LRRC4C: variants seen among roughly 807,000 people sequenced by gnomAD.
LRRC4C encodes the protein leucine rich repeat containing 4C.
Under a neutral mutation model 33.6 loss-of-function variants are expected in LRRC4C, and 5 were observed. The observed-to-expected ratio is 0.15, with a 90% CI of 0.08 to 0.31. The LOEUF (loss-of-function observed/expected upper bound fraction) is 0.31. Among genes scored for constraint, LRRC4C ranks in the 10% least tolerant of loss-of-function variants. LRRC4C has a pLI of 1.00. For synonymous variants in LRRC4C, 329 were observed against 302.0 expected (o/e 1.09, Z -0.93); for missense variants, 560 against 796.7 (o/e 0.70, Z 3.58).
At chr11:41,294,333 G>C (rs1042784186) in intron 1 of LRRC4C, among the ~76,000 whole-genome samples, 5 of 152,194 alleles carry the variant, frequency 3.3e-5, no homozygotes, top group African/African-American at 1.2e-4. Flanking sequence ...TTCGCACAGA[G>C]TATCAGGTGA....
chr11:40,737,593 C>T (rs1265022467), intron 2 of LRRC4C, among the ~76,000 whole-genome samples: 1 of 151,636 alleles, frequency 6.6e-6, no homozygotes, highest in East Asian at 1.9e-4. Flanking sequence ...AAACAGAGAG[C>T]CAAATCACGA....
intron 3 of LRRC4C, among the ~76,000 whole-genome samples, chr11:40,617,018 C>A (rs1416255663): frequency 6.6e-6 from 1 of 151,692 alleles, no homozygotes; most frequent in South Asian, 2.1e-4. Flanking sequence ...TGACAGATAG[C>A]CACTTCACTC....
chr11:41,075,729 G>A (rs574012428), intron 1 of LRRC4C, among the ~76,000 whole-genome samples: 3 of 152,172 alleles, frequency 2.0e-5, no homozygotes, highest in African/African-American at 7.2e-5. Context: ...TTATCTATGT[G>A]TATTATCTGC....
intron 1 of LRRC4C, among the ~76,000 whole-genome samples, chr11:41,014,910 G>A (rs1000092282): frequency 4.6e-5 from 7 of 152,134 alleles, no homozygotes; most frequent in African/African-American, 1.4e-4. Flanking sequence ...ACTAGCACAA[G>A]GGCAGGGCCA....
intron 3 of LRRC4C, among the ~76,000 whole-genome samples, chr11:40,349,018 A>G (rs917379955): frequency 6.6e-6 from 1 of 152,196 alleles, no homozygotes; most frequent in Non-Finnish European, 1.5e-5. Flanking sequence ...ATGCATAATA[A>G]TCATATCAGG....
chr11:41,045,415 G>T (rs117130838), intron 1 of LRRC4C, among the ~76,000 whole-genome samples: 2,805 of 152,196 alleles, frequency 0.018, 29 homozygotes, highest in Middle Eastern at 0.034. Context: ...TTAGTGGAAA[G>T]ATAATTACTC....
intron 5 of LRRC4C, among the ~76,000 whole-genome samples, chr11:40,189,533 A>C (rs568580487): frequency 6.6e-6 from 1 of 152,220 alleles, no homozygotes; most frequent in African/African-American, 2.4e-5. Context: ...TTCTATAAAA[A>C]GAAGTGAGGT....
At chr11:40,596,994 A>T (rs1256736777) in intron 3 of LRRC4C, among the ~76,000 whole-genome samples, 1 of 152,216 alleles carries the variant, frequency 6.6e-6, no homozygotes, top group Non-Finnish European at 1.5e-5. Flanking sequence ...TTTGAGAAAG[A>T]TAAATGTGAT....
At chr11:40,754,136 A>G (rs1242939739) in intron 2 of LRRC4C, among the ~76,000 whole-genome samples, 1 of 151,898 alleles carries the variant, frequency 6.6e-6, no homozygotes, top group East Asian at 1.9e-4. Flanking sequence ...TCATTTACAT[A>G]TCTCTTTTTA....
chr11:40,539,669 G>A (rs1164977752), intron 3 of LRRC4C, among the ~76,000 whole-genome samples: 2 of 152,000 alleles, frequency 1.3e-5, no homozygotes, highest in African/African-American at 4.8e-5. Context: ...GGTCATTCTA[G>A]GCAGAATGTC....
chr11:40,566,086 GT>G lies in LRRC4C; in HGVS notation c.-270+82055del. The stretch of plus-strand genomic sequence containing the variant: ...TAACTGCCTTTTCTATTTTTACTAA[GT>G]TTTTTTTTTTTTTTTTTTTTTTACT... On this transcript the variant is annotated intron_variant, in intron 3 of 6. Coordinates refer to ENST00000528697, the MANE Select transcript of LRRC4C (RefSeq NM_001258419.2). 6.7e-3 allele frequency among the ~76,000 whole-genome samples: 418 copies of G among 62,784 alleles called. 7 individuals are homozygous for G. The highest frequency in any genetic ancestry group is 0.04 in the Admixed American group (189 of 4,750). 41.2% of individuals were successfully genotyped at this position (62,784 alleles called of 152,430 possible).
chr11:40,635,199 A>G (rs79597305), intron 3 of LRRC4C, among the ~76,000 whole-genome samples: 33 of 152,326 alleles, frequency 2.2e-4, no homozygotes, highest in African/African-American at 7.7e-4. Flanking sequence ...AGTTTCACCC[A>G]GGTCATCCAT....
intron 1 of LRRC4C, among the ~76,000 whole-genome samples, chr11:40,965,209 A>G (rs1215087846): frequency 2.0e-5 from 3 of 151,716 alleles, no homozygotes; most frequent in African/African-American, 2.4e-5. Context: ...CCACTTTTTG[A>G]TGGGTTTTTT....
At chr11:40,181,015 A>C (rs1028261275) in intron 5 of LRRC4C, among the ~76,000 whole-genome samples, 1 of 152,180 alleles carries the variant, frequency 6.6e-6, no homozygotes, top group Non-Finnish European at 1.5e-5. Context: ...TTCTGTCACC[A>C]AGGTAGGCAC....
intron 1 of LRRC4C, among the ~76,000 whole-genome samples, chr11:41,114,125 C>G (rs959434115): frequency 6.6e-6 from 1 of 151,892 alleles, no homozygotes; most frequent in Non-Finnish European, 1.5e-5. Flanking sequence ...ATTTGAGGAT[C>G]AAAAAATTGT....
At chr11:40,561,527 C>T (rs566973118) in intron 3 of LRRC4C, among the ~76,000 whole-genome samples, 1 of 151,434 alleles carries the variant, frequency 6.6e-6, no homozygotes, top group South Asian at 2.1e-4. Context: ...ATTCTCCTGC[C>T]TCAGCTTCCC....
chr11:40,807,553 T>C (rs1951308686), intron 2 of LRRC4C, among the ~76,000 whole-genome samples: 1 of 152,242 alleles, frequency 6.6e-6, no homozygotes, highest in African/African-American at 2.4e-5. Context: ...AACAGAAGCC[T>C]TGAAGACTGT....
intron 1 of LRRC4C, among the ~76,000 whole-genome samples, chr11:41,324,995 A>C (rs1951066046): frequency 6.6e-6 from 1 of 152,190 alleles, no homozygotes; most frequent in African/African-American, 2.4e-5. Context: ...AATTTTTGTT[A>C]ATGGTGATGT....
At chr11:40,281,109 T>C (rs904251040) in intron 4 of LRRC4C, among the ~76,000 whole-genome samples, 8 of 152,074 alleles carry the variant, frequency 5.3e-5, no homozygotes, top group Non-Finnish European at 1.5e-5. Flanking sequence ...CTTTGGGGAA[T>C]TGAAAAACAT....
Sources: gnomAD v4.1 joint callset for allele counts (sites outside exome capture counted in the v4.1 genomes callset) on GRCh38, gnomAD v4.1.1 for gene constraint, MANE v1.5 for transcripts, NCBI Gene and HGNC (gene_info 2026-07-23, HGNC 2026-07-21) for gene names.